CNTN6: variants seen among roughly 807,000 people sequenced by gnomAD.
CNTN6 encodes contactin-6.
CNTN6 carries 137 observed loss-of-function variants against 122.8 expected under a neutral mutation model. The ratio of observed to expected loss-of-function variants is 1.12; its 90% confidence interval spans 0.97 to 1.29. CNTN6 has a LOEUF of 1.29. Among genes scored for constraint, CNTN6 ranks in the 50% most tolerant of loss-of-function variants. The pLI is 0.00. For synonymous variants in CNTN6, 570 were observed against 426.0 expected (o/e 1.34, Z -4.16); for missense variants, 1,634 against 1,223.4 (o/e 1.34, Z -5.01).
intron 12 of CNTN6, among the ~76,000 whole-genome samples, chr3:1,365,873 C>A (rs1010371271): frequency 6.6e-6 from 1 of 152,036 alleles, no homozygotes; most frequent in Non-Finnish European, 1.5e-5. Context: ...TAACCAGGAA[C>A]ACTTACTGGA....
chr3:1,230,855 A>G (rs1034450863), intron 4 of CNTN6, among the ~76,000 whole-genome samples: 1 of 152,204 alleles, frequency 6.6e-6, no homozygotes, highest in Non-Finnish European at 1.5e-5. Flanking sequence ...ACTTGCTGGC[A>G]CAGTAATTGT....
intron 11 of CNTN6, among the ~76,000 whole-genome samples, chr3:1,334,393 G>C (rs968031968): frequency 8.1e-5 from 11 of 135,634 alleles, no homozygotes; most frequent in Admixed American, 6.1e-4. Context: ...TTTTTTTTTT[G>C]AGGCCACTAT....
chr3:1,202,260 G>A (rs1229790402), intron 2 of CNTN6, among the ~76,000 whole-genome samples: 1 of 152,266 alleles, frequency 6.6e-6, no homozygotes, highest in African/African-American at 2.4e-5. Context: ...ACATGTTTGG[G>A]CCGGGCGCGG....
At chr3:1,303,933 A>G (rs1697883307) in intron 7 of CNTN6, among the ~76,000 whole-genome samples, 2 of 152,170 alleles carry the variant, frequency 1.3e-5, no homozygotes, top group South Asian at 2.1e-4. Context: ...CTTCTCTGGC[A>G]TAGTGGAGCT....
intron 1 of CNTN6, among the ~76,000 whole-genome samples, chr3:1,107,510 C>T (rs1442768653): frequency 1.3e-5 from 2 of 152,160 alleles, no homozygotes; most frequent in East Asian, 3.9e-4. Context: ...AATAACCTTT[C>T]CTCCTTAAAA....
At chr3:1,367,576 A>T (rs539596072) in intron 12 of CNTN6, among the ~76,000 whole-genome samples, 1 of 152,124 alleles carries the variant, frequency 6.6e-6, no homozygotes, top group African/African-American at 2.4e-5. Context: ...ATTTATTTGT[A>T]ACCTGTGTGT....
intron 20 of CNTN6, among the ~76,000 whole-genome samples, chr3:1,388,806 G>T (rs1054890351): frequency 1.3e-4 from 20 of 149,034 alleles, no homozygotes; most frequent in African/African-American, 5.0e-4. Flanking sequence ...TGGAAGAAAG[G>T]GTATCAGCAA....
intron 2 of CNTN6, 108 bp downstream of exon 2, chr3:1,148,171 T>C: frequency 3.8e-6 from 3 of 797,308 alleles, no homozygotes; most frequent in South Asian, 3.4e-5. Flanking sequence ...GTTATTTGAA[T>C]GACTAAGTGA....
chr3:1,268,046 C>T (rs1263619392), intron 4 of CNTN6, among the ~76,000 whole-genome samples: 1 of 152,154 alleles, frequency 6.6e-6, no homozygotes, highest in African/African-American at 2.4e-5. Flanking sequence ...CACAAATTGC[C>T]CCAAAGAAAT....
At chr3:1,338,433 C>G (rs1432107667) in intron 11 of CNTN6, among the ~76,000 whole-genome samples, 1 of 152,124 alleles carries the variant, frequency 6.6e-6, no homozygotes, top group Non-Finnish European at 1.5e-5. Flanking sequence ...TCAAGAGAGG[C>G]TGAAGTTGTT....
At chr3:1,100,156 CTCT>C (rs1261335877) in intron 1 of CNTN6, among the ~76,000 whole-genome samples, 1 of 151,414 alleles carries the variant, frequency 6.6e-6, no homozygotes, top group African/African-American at 2.4e-5. Context: ...CTCCTAGATT[CTCT>C]TCTTGTGCTC....
intron 20 of CNTN6, among the ~76,000 whole-genome samples, chr3:1,395,856 TATTTTA>T (rs976755778): frequency 7.9e-5 from 12 of 152,162 alleles, no homozygotes; most frequent in Admixed American, 6.6e-4. Context: ...AGGAGTTTGG[TATTTTA>T]ATTTCTAGAT....
intron 2 of CNTN6, among the ~76,000 whole-genome samples, chr3:1,198,370 T>G (rs1179494676): frequency 1.3e-5 from 2 of 152,186 alleles, no homozygotes. Flanking sequence ...CTTTGAATCC[T>G]TTAACCTAAT....
chr3:1,126,123 T>C (rs2092149639), intron 1 of CNTN6, among the ~76,000 whole-genome samples: 1 of 151,948 alleles, frequency 6.6e-6, no homozygotes, highest in South Asian at 2.1e-4. Flanking sequence ...ATTGTCTAAA[T>C]ATTTAAATCA....
intron 1 of CNTN6, among the ~76,000 whole-genome samples, chr3:1,119,827 A>G (rs1488723110): frequency 6.6e-6 from 1 of 152,176 alleles, no homozygotes; most frequent in East Asian, 1.9e-4. Flanking sequence ...GTTCCTCCCT[A>G]TCAAAATACA....
chr3:1,338,758 G>A (rs748522917), intron 11 of CNTN6, among the ~76,000 whole-genome samples: 1 of 152,076 alleles, frequency 6.6e-6, no homozygotes, highest in Non-Finnish European at 1.5e-5. Flanking sequence ...AATTATTCAT[G>A]TAATTTATAC....
intron 11 of CNTN6, among the ~76,000 whole-genome samples, chr3:1,344,459 C>T (rs1233034222): frequency 2.0e-5 from 3 of 152,140 alleles, no homozygotes; most frequent in African/African-American, 7.2e-5. Flanking sequence ...GAACCTTTGA[C>T]AGTCAGTGGA....
intron 11 of CNTN6, among the ~76,000 whole-genome samples, chr3:1,339,955 A>G (rs921159419): frequency 6.6e-6 from 1 of 152,182 alleles, no homozygotes; most frequent in African/African-American, 2.4e-5. Context: ...AAGAATAATA[A>G]TGATGATGAT....
chr3:1,130,334 G>A (rs187163314), intron 1 of CNTN6, among the ~76,000 whole-genome samples: 9 of 152,066 alleles, frequency 5.9e-5, no homozygotes, highest in Admixed American at 2.6e-4. Context: ...AAGATAACAC[G>A]GTGAAAACCT....
Sources: gnomAD v4.1 joint callset for allele counts (sites outside exome capture counted in the v4.1 genomes callset) on GRCh38, gnomAD v4.1.1 for gene constraint, MANE v1.5 for transcripts, NCBI Gene and HGNC (gene_info 2026-07-23, HGNC 2026-07-21) for gene names.